MAD1L1: variants seen among roughly 807,000 people sequenced by gnomAD.
The protein encoded by MAD1L1 is mitotic spindle assembly checkpoint protein MAD1.
MAD1L1 carries 95 observed loss-of-function variants against 96.9 expected under a neutral mutation model. The observed-to-expected ratio is 0.98, with a 90% confidence interval of 0.83 to 1.16. MAD1L1 has a LOEUF of 1.16. MAD1L1 is among the 50% of genes most tolerant of loss of function. MAD1L1 has a pLI of 0.00. For synonymous variants in MAD1L1, 473 were observed against 396.6 expected, an observed-to-expected ratio of 1.19 and a Z score of -2.29; for missense variants, 1,007 against 954.4, an observed-to-expected ratio of 1.06 and a Z score of -0.73.
intron 12 of MAD1L1, among the ~76,000 whole-genome samples, chr7:2,066,257 C>T (rs544547221): frequency 6.6e-5 from 10 of 152,226 alleles, no homozygotes; most frequent in African/African-American, 1.4e-4. Context: ...AGGCGCTCCT[C>T]GACCACCCCA....
At chr7:1,916,624 G>A (rs1254580564) in intron 17 of MAD1L1, among the ~76,000 whole-genome samples, 2 of 152,212 alleles carry the variant, frequency 1.3e-5, no homozygotes, top group Non-Finnish European at 2.9e-5. Context: ...TCCAGGCCCT[G>A]CAAGGGAGTC....
At chr7:2,168,968 T>C (rs1790576056) in intron 10 of MAD1L1, among the ~76,000 whole-genome samples, 1 of 152,242 alleles carries the variant, frequency 6.6e-6, no homozygotes, top group Non-Finnish European at 1.5e-5. Context: ...TGATGGGCTC[T>C]TACGTGGGCT....
intron 18 of MAD1L1, among the ~76,000 whole-genome samples, chr7:1,896,838 G>A (rs970569262): frequency 1.3e-5 from 2 of 152,230 alleles, no homozygotes; most frequent in African/African-American, 4.8e-5. Flanking sequence ...GATATGTTAA[G>A]TGATAACTGT....
intron 11 of MAD1L1, among the ~76,000 whole-genome samples, chr7:2,094,888 T>C (rs1248767086): frequency 6.6e-6 from 1 of 152,200 alleles, no homozygotes; most frequent in East Asian, 1.9e-4. Context: ...ACTCAGCTGA[T>C]CACGCTGTTT....
chr7:2,074,840 G>A (rs1021458739), intron 11 of MAD1L1, among the ~76,000 whole-genome samples: 1 of 152,210 alleles, frequency 6.6e-6, no homozygotes, highest in African/African-American at 2.4e-5. Flanking sequence ...CGGAGGCTGG[G>A]GGGGCCCTCG....
intron 18 of MAD1L1, among the ~76,000 whole-genome samples, chr7:1,893,486 G>A (rs1475437786): frequency 2.0e-5 from 3 of 152,212 alleles, no homozygotes; most frequent in Admixed American, 1.3e-4. Flanking sequence ...CTGGGGTTTG[G>A]CGAGATCTTT....
chr7:2,066,670 A>T (rs1054336705), intron 12 of MAD1L1, among the ~76,000 whole-genome samples: 1 of 152,146 alleles, frequency 6.6e-6, no homozygotes, highest in African/African-American at 2.4e-5. Context: ...CCGGGCACAG[A>T]CTTCCCAGAA....
intron 17 of MAD1L1, among the ~76,000 whole-genome samples, chr7:1,921,784 G>A (rs1472578906): frequency 6.6e-6 from 1 of 152,104 alleles, no homozygotes; most frequent in Non-Finnish European, 1.5e-5. Flanking sequence ...GGGAAGGAAG[G>A]ATTCTGAGAT....
chr7:1,844,478 C>T (rs1783476184), intron 18 of MAD1L1, among the ~76,000 whole-genome samples: 1 of 152,148 alleles, frequency 6.6e-6, no homozygotes, highest in Non-Finnish European at 1.5e-5. Flanking sequence ...TTCGAGGTCC[C>T]ACCCCGCTGA....
chr7:1,856,927 C>A (rs1411066868), intron 18 of MAD1L1, among the ~76,000 whole-genome samples: 2 of 152,134 alleles, frequency 1.3e-5, no homozygotes, highest in Non-Finnish European at 2.9e-5. Context: ...ACCGAGCTGA[C>A]CATGAGCTGC....
Position 2,001,716 on chromosome 7 carries a change from C to T in MAD1L1, c.1416+349G>A, listed in dbSNP as rs564444241. Among the ~76,000 whole-genome samples the T allele has an allele frequency of 2.0e-5, 3 of 152,360 alleles. No individual in the cohort carries two copies. The South Asian group carries it at 6.2e-4, about 32-fold the overall frequency. On this transcript the variant is annotated intron_variant, in intron 14 of 18. Coordinates refer to ENST00000265854, the MANE Select transcript of MAD1L1 (RefSeq NM_001013836.2). ...GTGGTCGGGACAGGGGTCCATGAAG[C>T]CACAGCACTGATGTCCAGTTCGCTG... is the stretch of plus-strand genomic sequence containing the variant.
chr7:2,163,706 G>A lies in MAD1L1; in HGVS notation c.987-14468C>T, dbSNP rs1391387565. Among the ~76,000 whole-genome samples, 3 of 152,152 alleles carry A rather than the reference G, an allele frequency of 2.0e-5. No individual in the cohort carries two copies. In the East Asian group the frequency reaches 5.8e-4, roughly 29 times the overall value. ...TATAATGCATTTTAAACTTGGTCATGAGAGTTGCTGTGCAGCAGGAATCGA... is the reference window on the plus strand; with the variant it reads ...TATAATGCATTTTAAACTTGGTCATAAGAGTTGCTGTGCAGCAGGAATCGA... On this transcript the variant is annotated intron_variant, in intron 10 of 18. Transcript: ENST00000265854.
chr7:2,162,432 C>A (rs1435166551), intron 10 of MAD1L1, among the ~76,000 whole-genome samples: 1 of 151,888 alleles, frequency 6.6e-6, no homozygotes, highest in Non-Finnish European at 1.5e-5. Flanking sequence ...TCTCAAGTAC[C>A]CAGGGACACA....
intron 15 of MAD1L1, among the ~76,000 whole-genome samples, chr7:1,972,201 C>T (rs566314669): frequency 1.3e-5 from 2 of 152,302 alleles, no homozygotes; most frequent in East Asian, 1.9e-4. Flanking sequence ...CCGGAAGGCT[C>T]GCCCCGCTGT....
intron 10 of MAD1L1, among the ~76,000 whole-genome samples, chr7:2,182,144 TA>T (rs1343361677): frequency 1.3e-5 from 2 of 151,748 alleles, no homozygotes; most frequent in Non-Finnish European, 2.9e-5. Flanking sequence ...AAAATCCCAT[TA>T]AAAAAATAAA....
At chr7:1,985,490 C>G (rs1781098427) in intron 14 of MAD1L1, among the ~76,000 whole-genome samples, 1 of 152,246 alleles carries the variant, frequency 6.6e-6, no homozygotes, top group Non-Finnish European at 1.5e-5. Context: ...GTCTACCGCA[C>G]CTGGTGCTCT....
chr7:2,067,208 G>A (rs969807319), intron 12 of MAD1L1, among the ~76,000 whole-genome samples: 1 of 130,340 alleles, frequency 7.7e-6, no homozygotes, highest in Non-Finnish European at 1.5e-5. Context: ...GGCACCCGGG[G>A]TCATCAGGCC....
At chr7:1,828,562 A>C (rs1163204203) in intron 18 of MAD1L1, among the ~76,000 whole-genome samples, 1 of 152,266 alleles carries the variant, frequency 6.6e-6, no homozygotes, top group Non-Finnish European at 1.5e-5. Flanking sequence ...GACACCCCGC[A>C]GCAAGGGGCG....
intron 12 of MAD1L1, among the ~76,000 whole-genome samples, chr7:2,042,121 AG>A (rs1395488734): frequency 3.3e-5 from 5 of 151,574 alleles, no homozygotes; most frequent in African/African-American, 9.7e-5. Flanking sequence ...ACACACACGC[AG>A]ACACACATGC....
Sources: gnomAD v4.1 joint callset for allele counts (sites outside exome capture counted in the v4.1 genomes callset) on GRCh38, gnomAD v4.1.1 for gene constraint, MANE v1.5 for transcripts, NCBI Gene and HGNC (gene_info 2026-07-23, HGNC 2026-07-21) for gene names.